The following KCNAB1 variants were observed in gnomAD, a reference collection of about 807,000 sequenced individuals.
The protein encoded by KCNAB1 is voltage-gated potassium channel subunit beta-1.
A neutral mutation model predicts 64.6 loss-of-function variants in KCNAB1; 35 were observed. That is an observed-to-expected ratio of 0.54 (90% CI 0.41 to 0.72). The LOEUF (loss-of-function observed/expected upper bound fraction) is 0.72. KCNAB1 is among the 30% of genes least tolerant of loss of function. The pLI, the probability that KCNAB1 is intolerant of heterozygous loss-of-function variation, is 0.00. For missense variants in KCNAB1, 401 were observed against 512.9 expected, an observed-to-expected ratio of 0.78 and a Z score of 2.11; for synonymous variants, 177 against 183.8, an observed-to-expected ratio of 0.96 and a Z score of 0.30.
intron 1 of KCNAB1, among the ~76,000 whole-genome samples, chr3:156,242,432 C>G (rs1717213077): frequency 6.6e-6 from 1 of 152,050 alleles, no homozygotes; most frequent in Non-Finnish European, 1.5e-5. Flanking sequence ...AGTCTTTTAT[C>G]CCCCACCCGC....
At chr3:156,431,294 A>G (rs756243079) in intron 2 of KCNAB1, among the ~76,000 whole-genome samples, 1 of 152,258 alleles carries the variant, frequency 6.6e-6, no homozygotes, top group Non-Finnish European at 1.5e-5. Flanking sequence ...CTACATTTAT[A>G]TAAAGATTAT....
chr3:156,296,604 G>A (rs940742291), intron 1 of KCNAB1, among the ~76,000 whole-genome samples: 2 of 151,456 alleles, frequency 1.3e-5, no homozygotes, highest in African/African-American at 2.4e-5. Context: ...CTCCCGAGTA[G>A]CTGGGACTAC....
chr3:156,187,139 C>G (rs1713254537), intron 1 of KCNAB1, among the ~76,000 whole-genome samples: 1 of 152,222 alleles, frequency 6.6e-6, no homozygotes, highest in Non-Finnish European at 1.5e-5. Context: ...CATGCATGAG[C>G]CACCGTGCTG....
chr3:156,498,443 G>A (rs1716153669), intron 8 of KCNAB1, among the ~76,000 whole-genome samples: 1 of 152,132 alleles, frequency 6.6e-6, no homozygotes, highest in South Asian at 2.1e-4. Flanking sequence ...AGTCTCATGA[G>A]AGCTAATGGT....
At chr3:156,158,416 C>G (rs1039987404) in intron 1 of KCNAB1, among the ~76,000 whole-genome samples, 53 of 151,968 alleles carry the variant, frequency 3.5e-4, no homozygotes, top group African/African-American at 1.3e-3. Flanking sequence ...TGAAATTAAC[C>G]AGGAGAAAAA....
intron 1 of KCNAB1, among the ~76,000 whole-genome samples, chr3:156,390,604 A>T (rs897136103): frequency 1.1e-4 from 16 of 149,262 alleles, no homozygotes; most frequent in Middle Eastern, 3.4e-3. Context: ...TCTTCTTGAG[A>T]CGGAGTCTCG....
chr3:156,207,310 T>A (rs138351083), intron 1 of KCNAB1, among the ~76,000 whole-genome samples: 1 of 152,320 alleles, frequency 6.6e-6, no homozygotes, highest in Non-Finnish European at 1.5e-5. Flanking sequence ...TTGCAGGGGA[T>A]CATCTAAGGC....
At chr3:156,492,916 G>T (rs1249996818) in intron 8 of KCNAB1, among the ~76,000 whole-genome samples, 1 of 152,138 alleles carries the variant, frequency 6.6e-6, no homozygotes, top group East Asian at 1.9e-4. Flanking sequence ...CTTCTGCAGT[G>T]CATGGAAAGA....
chr3:156,189,796 G>C (rs1194950407), intron 1 of KCNAB1, among the ~76,000 whole-genome samples: 1 of 152,136 alleles, frequency 6.6e-6, no homozygotes, highest in Non-Finnish European at 1.5e-5. Flanking sequence ...CAGGCAATAT[G>C]GGAGCCTCAG....
intron 1 of KCNAB1, among the ~76,000 whole-genome samples, chr3:156,312,733 T>TAAAAAAAAA (rs1722010260): frequency 1.2e-5 from 1 of 83,104 alleles, no homozygotes; most frequent in African/African-American, 5.0e-5. Flanking sequence ...AAAAAAAAAC[T>TAAAAAAAAA]CATAATAATG....
At chr3:156,312,208 A>G (rs1009334008) in intron 1 of KCNAB1, among the ~76,000 whole-genome samples, 1 of 152,226 alleles carries the variant, frequency 6.6e-6, no homozygotes, top group Non-Finnish European at 1.5e-5. Flanking sequence ...AAAATAGGCG[A>G]CAGGTATTGT....
chr3:156,175,811 T>TA (rs1308867561), intron 1 of KCNAB1: 4 of 613,988 alleles, frequency 6.5e-6, no homozygotes, highest in Non-Finnish European at 1.2e-5. Context: ...TGACGTCACT[T>TA]ATGCAGTCTG....
intron 1 of KCNAB1, among the ~76,000 whole-genome samples, chr3:156,218,556 G>A (rs577437389): frequency 5.3e-5 from 8 of 152,098 alleles, no homozygotes; most frequent in South Asian, 2.1e-4. Context: ...TCTTAAAAGC[G>A]TCACCTCCTG....
At chr3:156,191,442 G>A (rs1713554469) in intron 1 of KCNAB1, among the ~76,000 whole-genome samples, 1 of 152,198 alleles carries the variant, frequency 6.6e-6, no homozygotes, top group Non-Finnish European at 1.5e-5. Context: ...TCCTTGTATG[G>A]ACTTTTAAAA....
chr3:156,529,595 C>G (rs535262444), intron 12 of KCNAB1, among the ~76,000 whole-genome samples: 38 of 152,226 alleles, frequency 2.5e-4, no homozygotes, highest in African/African-American at 8.9e-4. Flanking sequence ...GAATCAGAAA[C>G]TCAGCGGGTG....
At chr3:156,506,716 G>C (rs1716856677) in intron 8 of KCNAB1, among the ~76,000 whole-genome samples, 1 of 152,132 alleles carries the variant, frequency 6.6e-6, no homozygotes, top group Non-Finnish European at 1.5e-5. Context: ...AATCTGTTCT[G>C]TTCTGATTCA....
intron 8 of KCNAB1, among the ~76,000 whole-genome samples, chr3:156,504,325 A>G (rs1444243149): frequency 6.6e-6 from 1 of 152,150 alleles, no homozygotes; most frequent in Non-Finnish European, 1.5e-5. Flanking sequence ...ATGAACACTT[A>G]GGTTGATTCC....
At chr3:156,186,663 C>G (rs1713210985) in intron 1 of KCNAB1, among the ~76,000 whole-genome samples, 1 of 152,120 alleles carries the variant, frequency 6.6e-6, no homozygotes, top group African/African-American at 2.4e-5. Context: ...CCTCTTACCT[C>G]CTTGCACCCT....
At chr3:156,342,585 C>CTTTTTTTTTTTTTTTTTTTTAT (rs1724195357) in intron 1 of KCNAB1, among the ~76,000 whole-genome samples, 2 of 86,268 alleles carry the variant, frequency 2.3e-5, no homozygotes, top group African/African-American at 7.4e-5. Context: ...CTATGTGTTT[C>CTTTTTTTTTTTTTTTTTTTTAT]TTTTTTTTTT....
Sources: gnomAD v4.1 joint callset for allele counts (sites outside exome capture counted in the v4.1 genomes callset) on GRCh38, gnomAD v4.1.1 for gene constraint, MANE v1.5 for transcripts, NCBI Gene and HGNC (gene_info 2026-07-23, HGNC 2026-07-21) for gene names.